The following TBC1D23 variants were observed in gnomAD, a reference collection of about 807,000 sequenced individuals.
The protein encoded by TBC1D23 is TBC1 domain family member 23, also known as HCV non-structural protein 4A-transactivated protein 1.
In TBC1D23, 55 loss-of-function variants were observed where a neutral mutation model predicts 91.4. That is an observed-to-expected ratio of 0.60 (90% CI 0.48 to 0.75). The LOEUF is 0.75. Ranked by LOEUF, TBC1D23 falls within the 30% of genes least tolerant of loss-of-function variation. The pLI is 0.00. For missense variants in TBC1D23, 725 were observed against 836.1 expected, an observed-to-expected ratio of 0.87 and a Z score of 1.64; for synonymous variants, 289 against 281.0, an observed-to-expected ratio of 1.03 and a Z score of -0.28.
intron 7 of TBC1D23, 116 bp downstream of exon 7, chr3:100,295,464 C>G (rs1176649378): frequency 1.3e-6 from 1 of 758,408 alleles, no homozygotes; most frequent in East Asian, 2.8e-5. Flanking sequence ...AGGCTCCATT[C>G]AACTCTCAGA....
chr3:100,297,899 G>A, intron 8 of TBC1D23, 24 bp from the exon 9 acceptor site: 1 of 1,534,698 alleles, frequency 6.5e-7, no homozygotes, highest in Non-Finnish European at 8.8e-7. Flanking sequence ...TTTTCATAAT[G>A]TTTAAAAATT....
intron 17 of TBC1D23, among the ~76,000 whole-genome samples, chr3:100,320,120 C>A (rs906432670): frequency 6.6e-6 from 1 of 152,070 alleles, no homozygotes; most frequent in African/African-American, 2.4e-5. Flanking sequence ...CTCATCCCCC[C>A]ACCCCCTCGC....
In TBC1D23 at chr3:100,283,718, G is replaced by A; in HGVS notation, c.383G>A (p.Trp128Ter). ...ATTAAATATAGCACATCCCTTAGCT[G>A]GATACATCTACTGAAACCATTGGTG... Reference protein sequence around the residue: ...RNIKYSTSLSWIHLLKPLVHL... With the variant: ...RNIKYSTSLS The change falls in exon 4 of 19, where the codon TGG becomes TAG. Residue 128 changes from tryptophan (W) to a stop codon, truncating the protein, a stop_gained. Transcript: ENST00000394144. LOFTEE classifies it high-confidence loss of function. 1.2e-6 allele frequency: 2 copies of A among 1,612,572 alleles called. No individual in the cohort carries two copies. The highest frequency in any genetic ancestry group is 1.7e-6 in the Non-Finnish European group (2 of 1,178,604).
chr3:100,298,128 A>G (rs1705339530), intron 9 of TBC1D23, 83 bp downstream of exon 9: 2 of 1,237,202 alleles, frequency 1.6e-6, no homozygotes, highest in Non-Finnish European at 1.1e-6. Flanking sequence ...ATTGATTCCC[A>G]CAAAATCAAT....
In TBC1D23 at chr3:100,323,639, A is replaced by T. The variant is rs780294168; in HGVS notation, c.2071A>T (p.Met691Leu). ...DATKAIKQQI[M>L]KVLDALES ...AACTAAAGCCATAAAACAGCAGATCATGAAAGTTTTGGATGCTTTGGAAAG... is the reference window on the plus strand; with the variant it reads ...AACTAAAGCCATAAAACAGCAGATCTTGAAAGTTTTGGATGCTTTGGAAAG... The change falls in exon 19 of 19, where the codon ATG becomes TTG. Residue 691 changes from methionine to leucine, a missense_variant. By Grantham distance (15) the Met-to-Leu change is conservative. Coordinates refer to ENST00000394144, the MANE Select transcript of TBC1D23 (RefSeq NM_001199198.3). 3.3e-6 allele frequency: 5 copies of T among 1,537,842 alleles called. No homozygotes were observed. Among genetic ancestry groups the T allele is most frequent in the Middle Eastern group, 2.2e-4 (1 of 4,608 alleles).
chr3:100,282,287 G>A (rs1365164631), intron 3 of TBC1D23, among the ~76,000 whole-genome samples: 1 of 152,172 alleles, frequency 6.6e-6, no homozygotes, highest in Non-Finnish European at 1.5e-5. Flanking sequence ...ACTCCAGCCT[G>A]GGCACAGAGT....
chr3:100,283,835 A>G, intron 4 of TBC1D23, 24 bp downstream of exon 4: 1 of 1,487,326 alleles, frequency 6.7e-7, no homozygotes, highest in East Asian at 2.3e-5. Flanking sequence ...CAGTTATTGT[A>G]GTTTTTAAAA....
chr3:100,277,728 G>A (rs1237038051), intron 1 of TBC1D23, among the ~76,000 whole-genome samples: 2 of 151,978 alleles, frequency 1.3e-5, no homozygotes, highest in South Asian at 2.1e-4. Context: ...TTAAATATAT[G>A]GTATTTATTC....
At chr3:100,285,521 A>G (rs1484435434) in intron 4 of TBC1D23, among the ~76,000 whole-genome samples, 1 of 152,184 alleles carries the variant, frequency 6.6e-6, no homozygotes, top group Non-Finnish European at 1.5e-5. Context: ...TTTTACTATT[A>G]TGAGTATGAA....
At chr3:100,310,646 G>A in intron 14 of TBC1D23, 104 bp downstream of exon 14, 2 of 825,442 alleles carry the variant, frequency 2.4e-6, no homozygotes, top group South Asian at 2.4e-5. Context: ...TTCCAGAAAA[G>A]GATTATAAAG....
At chr3:100,268,146 T>A (rs1288587576) in intron 1 of TBC1D23, among the ~76,000 whole-genome samples, 2 of 152,088 alleles carry the variant, frequency 1.3e-5, no homozygotes, top group African/African-American at 4.8e-5. Context: ...GGTGACAGAG[T>A]GAGACTCTGT....
chr3:100,295,323 G>A lies in TBC1D23; in HGVS notation c.747G>A (p.Glu249=), dbSNP rs748662402. ...ACAGAGAAGTTATTTTAACACAAGA[G>A]TCAGACAGCAAAGAAGAAGTTATCA... The part of the protein sequence containing the change: ...VNAKEVILTQ[E]SDSKEEVIKF... Residue 249 remains glutamate, a synonymous_variant, in exon 7 of 19, where the codon GAG becomes GAA. Coordinates refer to ENST00000394144, the MANE Select transcript of TBC1D23 (RefSeq NM_001199198.3). The A allele has an allele frequency of 2.4e-5, 39 of 1,610,634 alleles. 3 individuals are homozygous for A. The South Asian group carries it at 4.1e-4, about 17-fold the overall frequency.
chr3:100,262,116 G>A lies in TBC1D23; in HGVS notation c.53+1045G>A, dbSNP rs79482272. 8.3e-3 allele frequency among the ~76,000 whole-genome samples: 1,264 copies of A among 152,302 alleles called. 11 individuals are homozygous for A. The highest frequency in any genetic ancestry group is 0.013 in the Non-Finnish European group (876 of 68,020). On this transcript the variant is annotated intron_variant, in intron 1 of 18. Coordinates refer to ENST00000394144, the MANE Select transcript of TBC1D23 (RefSeq NM_001199198.3). ...CCATTAGCAGACATCAAACATTACC[G>A]TAGCGCTGGGCTCTCCAAGGTGTCA...
chr3:100,293,648 A>G (rs2067812392), intron 5 of TBC1D23, among the ~76,000 whole-genome samples: 1 of 152,180 alleles, frequency 6.6e-6, no homozygotes, highest in Non-Finnish European at 1.5e-5. Context: ...TTTTAAAGCA[A>G]CCACAAAAAA....
chr3:100,264,893 A>G (rs750114536), intron 1 of TBC1D23, among the ~76,000 whole-genome samples: 1 of 152,216 alleles, frequency 6.6e-6, no homozygotes, highest in Non-Finnish European at 1.5e-5. Flanking sequence ...AATGCTCTCC[A>G]GGTAACTGTG....
chr3:100,280,976 A>G (rs2148854445), intron 2 of TBC1D23, among the ~76,000 whole-genome samples: 1 of 152,288 alleles, frequency 6.6e-6, no homozygotes, highest in Non-Finnish European at 1.5e-5. Flanking sequence ...CCTGGCCAAC[A>G]TGGTGAATCC....
intron 10 of TBC1D23, among the ~76,000 whole-genome samples, chr3:100,300,982 T>A (rs2148864321): frequency 6.6e-6 from 1 of 152,362 alleles, no homozygotes; most frequent in Middle Eastern, 3.4e-3. Context: ...GTAGGTATAC[T>A]ATAATTTATT....
intron 1 of TBC1D23, among the ~76,000 whole-genome samples, chr3:100,268,416 G>T (rs539181110): frequency 6.6e-6 from 1 of 152,170 alleles, no homozygotes; most frequent in African/African-American, 2.4e-5. Context: ...AACCCAATAT[G>T]TATTTCTTTG....
intron 10 of TBC1D23, 172 bp from the exon 11 acceptor site, chr3:100,301,895 T>C: frequency 1.8e-6 from 1 of 563,438 alleles, no homozygotes; most frequent in Non-Finnish European, 3.1e-6. Flanking sequence ...TATAGATACA[T>C]TTATAAATAT....
Sources: gnomAD v4.1 joint callset for allele counts (sites outside exome capture counted in the v4.1 genomes callset) on GRCh38, gnomAD v4.1.1 for gene constraint, MANE v1.5 for transcripts, NCBI Gene and HGNC (gene_info 2026-07-23, HGNC 2026-07-21) for gene names.